Variants in PPP4R4 observed in about 807,000 individuals in gnomAD.
PPP4R4 encodes serine/threonine-protein phosphatase 4 regulatory subunit 4.
PPP4R4 carries 70 observed loss-of-function variants against 121.8 expected under a neutral mutation model. That is an observed-to-expected ratio of 0.57 (90% CI 0.47 to 0.70). The LOEUF (loss-of-function observed/expected upper bound fraction) is 0.70, where lower values mean the gene tolerates loss of function less well. Ranked by LOEUF, PPP4R4 falls within the 30% of genes least tolerant of loss-of-function variation. The pLI, the probability that PPP4R4 is intolerant of heterozygous loss-of-function variation, is 0.00. For missense variants in PPP4R4, 875 were observed against 1,033.6 expected (o/e 0.85, Z 2.10); for synonymous variants, 348 against 355.7 (o/e 0.98, Z 0.24).
At chr14:94,229,791 T>G (rs1347602553) in intron 3 of PPP4R4, among the ~76,000 whole-genome samples, 1 of 152,168 alleles carries the variant, frequency 6.6e-6, no homozygotes, top group Admixed American at 6.5e-5. Flanking sequence ...TTGCCATAAT[T>G]GAGCAAGTAA....
intron 23 of PPP4R4, among the ~76,000 whole-genome samples, chr14:94,267,397 A>G (rs1894103214): frequency 6.6e-6 from 1 of 152,202 alleles, no homozygotes; most frequent in Admixed American, 6.5e-5. Context: ...AGACATTTAC[A>G]ATATTATGTA....
intron 19 of PPP4R4, among the ~76,000 whole-genome samples, chr14:94,261,147 G>A (rs1299690819): frequency 6.6e-6 from 1 of 152,020 alleles, no homozygotes; most frequent in African/African-American, 2.4e-5. Context: ...TTATTTATAA[G>A]TTTATCTTTT....
chr14:94,223,878 C>T (rs143718920), intron 3 of PPP4R4, among the ~76,000 whole-genome samples: 3 of 148,922 alleles, frequency 2.0e-5, no homozygotes, highest in Admixed American at 7.0e-5. Context: ...TATCCCTCTA[C>T]CATACCCTGT....
At chr14:94,195,904 A>C (rs1889844838) in intron 2 of PPP4R4, among the ~76,000 whole-genome samples, 1 of 152,090 alleles carries the variant, frequency 6.6e-6, no homozygotes, top group Admixed American at 6.5e-5. Flanking sequence ...TACAAAATTT[A>C]TATTTCTTTT....
chr14:94,236,238 C>CA (rs1475388133), intron 7 of PPP4R4, among the ~76,000 whole-genome samples: 1 of 151,886 alleles, frequency 6.6e-6, no homozygotes, highest in East Asian at 1.9e-4. Context: ...GCATCACTGT[C>CA]ACATGTTTTT....
In PPP4R4 at chr14:94,246,408, G is replaced by A. The variant is rs1303735666; in HGVS notation, c.1480G>A (p.Ala494Thr). ...AGCACTCACAGCTGCTGAACAGCGA[G>A]CTGCAGCCTCTTTAAAATGGAGAAC... ...IPALTAAEQR[A>T]AASLKWRTHE... is the part of the protein sequence containing the mutation. The change falls in exon 14 of 25, where the codon GCT becomes ACT. Residue 494 changes from alanine to threonine, a missense_variant. By Grantham distance (58) the Ala-to-Thr change is moderately conservative (BLOSUM62 0). Transcript: ENST00000304338. 2 of 1,613,920 alleles carry A rather than the reference G, an allele frequency of 1.2e-6. No individual in the cohort carries two copies. Among genetic ancestry groups the A allele is most frequent in the African/African-American group, 2.7e-5 (2 of 74,902 alleles).
At chr14:94,201,667 G>C (rs1194146501) in intron 2 of PPP4R4, among the ~76,000 whole-genome samples, 1 of 152,072 alleles carries the variant, frequency 6.6e-6, no homozygotes, top group African/African-American at 2.4e-5. Flanking sequence ...CGTTTGCATG[G>C]AATATCTTTT....
chr14:94,277,764 C>T (rs1894721625), intron 24 of PPP4R4, among the ~76,000 whole-genome samples: 1 of 151,950 alleles, frequency 6.6e-6, no homozygotes, highest in African/African-American at 2.4e-5. Context: ...TTTTCTTGTT[C>T]AACATACGTA....
chr14:94,275,095 G>T (rs1369066248), intron 23 of PPP4R4, among the ~76,000 whole-genome samples: 1 of 152,146 alleles, frequency 6.6e-6, no homozygotes, highest in Non-Finnish European at 1.5e-5. Flanking sequence ...ATTTATAGTT[G>T]ACAGGAGTGG....
At chr14:94,270,871 T>A (rs1362662157) in intron 23 of PPP4R4, among the ~76,000 whole-genome samples, 3 of 149,356 alleles carry the variant, frequency 2.0e-5, no homozygotes, top group African/African-American at 2.5e-5. Context: ...TGAGCCAAGA[T>A]CATGCCAGTG....
At chr14:94,174,612 C>T (rs766213617) in intron 1 of PPP4R4, 30 bp downstream of exon 1, 3 of 1,604,490 alleles carry the variant, frequency 1.9e-6, no homozygotes, top group South Asian at 1.1e-5. Flanking sequence ...CCTGCCCTCA[C>T]GGCGTCCGGC....
rs368815184 is a variant in PPP4R4, at chr14:94,237,575, A to G, written c.742A>G (p.Thr248Ala). ...TTGCTTATTGTGCAGGACAGAACTTACAAAAAGTGTGGTGCTCCCTGAATT... is the reference window on the plus strand; with the variant it reads ...TTGCTTATTGTGCAGGACAGAACTTGCAAAAAGTGTGGTGCTCCCTGAATT... ...NIAQGIGTEL[T>A]KSVVLPELIE... The change falls in exon 8 of 25, where the codon ACA becomes GCA. Residue 248 changes from threonine (T) to alanine (A), a missense_variant. Coordinates refer to ENST00000304338, the MANE Select transcript of PPP4R4 (RefSeq NM_058237.2). 3.7e-6 allele frequency: 6 copies of G among 1,612,300 alleles called. No individual in the cohort carries two copies. The highest frequency in any genetic ancestry group is 5.1e-6 in the Non-Finnish European group (6 of 1,178,344).
chr14:94,247,068 A>T (rs947743442), intron 14 of PPP4R4, among the ~76,000 whole-genome samples: 1 of 152,154 alleles, frequency 6.6e-6, no homozygotes, highest in Non-Finnish European at 1.5e-5. Context: ...TGATAACCTT[A>T]TAATTAGTGT....
chr14:94,247,933 A>G (rs962516435), intron 14 of PPP4R4, among the ~76,000 whole-genome samples: 13 of 152,198 alleles, frequency 8.5e-5, no homozygotes, highest in Admixed American at 3.3e-4. Flanking sequence ...ATAGCTGTCT[A>G]TGACAAACCC....
At position 94,278,634 on chromosome 14, in the gene PPP4R4, C is replaced by A. The variant is rs1389022922; in HGVS notation, c.2613C>A (p.Ser871=). 1 of 1,585,700 alleles carries A rather than the reference C, an allele frequency of 6.3e-7. No homozygotes were observed. Among genetic ancestry groups the A allele is most frequent in the South Asian group, 1.1e-5 (1 of 87,196 alleles). Residue 871 remains serine, a synonymous_variant, in exon 25 of 25, where the codon TCC becomes TCA. Transcript: ENST00000304338. Reference sequence around the variant, plus strand: ...CTTCCCAAAGAAAATCCAGAAAATCCAATCCTTAAATCAACTGCTTGATGA... The same window carrying A: ...CTTCCCAAAGAAAATCCAGAAAATCAAATCCTTAAATCAACTGCTTGATGA... ...PRKATLKSRK[S]NP
At chr14:94,242,255 T>A in intron 10 of PPP4R4, 34 bp from the exon 11 acceptor site, 1 of 1,603,564 alleles carries the variant, frequency 6.2e-7, no homozygotes, top group Non-Finnish European at 8.5e-7. Flanking sequence ...TTTTCTTTCC[T>A]TCCCACTCAT....
At position 94,241,897 on chromosome 14, in the gene PPP4R4, A is replaced by T. The variant is rs372063203; in HGVS notation, c.1086A>T (p.Gln362His). The T allele has an allele frequency of 3.7e-6, 6 of 1,611,142 alleles. No individual in the cohort carries two copies. In the African/African-American group the frequency reaches 8.0e-5, roughly 22 times the overall value. ...NGHNENQIPP[Q>H]ILEQEKKYIS... ...ACAATGAAAACCAGATTCCACCCCAAATCCTAGAGCAGGAGAAGAAATATA... is the reference window on the plus strand; with the variant it reads ...ACAATGAAAACCAGATTCCACCCCATATCCTAGAGCAGGAGAAGAAATATA... Residue 362 changes from glutamine (Q) to histidine (H), a missense_variant, in exon 10 of 25, where the codon CAA (glutamine) becomes CAT (histidine). Coordinates refer to ENST00000304338, the MANE Select transcript of PPP4R4 (RefSeq NM_058237.2).
At chr14:94,197,983 A>T (rs1275785440) in intron 2 of PPP4R4, among the ~76,000 whole-genome samples, 1 of 152,222 alleles carries the variant, frequency 6.6e-6, no homozygotes. Context: ...TATTACAAAC[A>T]AAGCTGCTAT....
rs1892582153 is a variant in PPP4R4, at chr14:94,240,673, A to G, written c.854A>G (p.Asp285Gly). The stretch of plus-strand genomic sequence containing the variant: ...TGTATTATTTTGTTTTGTTTTCCAG[A>G]TGACAGAAGTCAAACTATACTTCCC... ...LVNLLDIFDTDDRSQTILPLV... is the reference protein window; with the variant it reads ...LVNLLDIFDTGDRSQTILPLV... Residue 285 changes from aspartate to glycine, a missense_variant and splice_region_variant, in exon 9 of 25, where the codon GAT (aspartate) becomes GGT (glycine). Asp to Gly is a moderately conservative substitution (Grantham distance 94). Coordinates refer to ENST00000304338, the MANE Select transcript of PPP4R4 (RefSeq NM_058237.2). The G allele has an allele frequency of 6.2e-7, 1 of 1,605,718 alleles. No individual in the cohort carries two copies. Among genetic ancestry groups the G allele is most frequent in the Non-Finnish European group, 8.5e-7 (1 of 1,177,122 alleles).
Sources: allele counts gnomAD v4.1 joint callset (sites outside exome capture counted in the v4.1 genomes callset), GRCh38; gene constraint gnomAD v4.1.1; transcripts MANE v1.5; gene names NCBI Gene and HGNC (gene_info 2026-07-23, HGNC 2026-07-21).